Variants in SNX29 observed in about 807,000 individuals in gnomAD.
SNX29 encodes sorting nexin-29.
A neutral mutation model predicts 102.1 loss-of-function variants in SNX29; 78 were observed. The ratio of observed to expected loss-of-function variants is 0.76; its 90% CI spans 0.64 to 0.92. SNX29 has a LOEUF of 0.92. SNX29 is among the 40% of genes least tolerant of loss of function. SNX29 has a pLI of 0.00. For missense variants in SNX29, 1,280 were observed against 1,061.7 expected (o/e 1.21, Z -2.86); for synonymous variants, 580 against 414.5 (o/e 1.40, Z -4.85).
chr16:12,569,118 TTTGCGG>T lies in SNX29; in HGVS notation c.*490_*495del, dbSNP rs1281327864. ...CTGGCCTAACCTAGGGATGGCTGGCTTTGCGGGGGGGGGGGGGGGGGGGGGCATGGT... is the reference window on the plus strand; with the variant it reads ...CTGGCCTAACCTAGGGATGGCTGGCTGGGGGGGGGGGGGGGGGGGCATGGT... On this transcript the variant is annotated 3_prime_UTR_variant, in exon 21 of 21. Coordinates refer to ENST00000566228, the MANE Select transcript of SNX29 (RefSeq NM_032167.5). The T allele has an allele frequency of 0.041, 868 of 21,338 alleles. 3 individuals carry two copies. Among genetic ancestry groups the T allele is most frequent in the Admixed American group, 0.062 (50 of 812 alleles). 1.3% of individuals were successfully genotyped at this position (21,338 alleles called of 1,614,324 possible).
chr16:12,329,932 C>CATTT (rs1181279179), intron 15 of SNX29, among the ~76,000 whole-genome samples: 1 of 152,162 alleles, frequency 6.6e-6, no homozygotes, highest in Admixed American at 6.5e-5. Flanking sequence ...TTCCAAAAGG[C>CATTT]ATTTGAGTGG....
At position 12,061,704 on chromosome 16, in the gene SNX29, C is replaced by T; in HGVS notation, c.1243+58C>T. 4.1e-6 allele frequency: 6 copies of T among 1,463,880 alleles called. No homozygotes were observed. In the East Asian group the frequency reaches 9.6e-5, roughly 23 times the overall value. 90.7% of individuals were successfully genotyped at this position (1,463,880 alleles called of 1,614,324 possible). ...TAAGAGCTTTGGCTTCGAGAACCAG[C>T]AGGAATGTCTGAGTTCCCTGGACAG... On this transcript the variant is annotated intron_variant, in intron 9 of 20. Coordinates refer to ENST00000566228, the MANE Select transcript of SNX29 (RefSeq NM_032167.5).
intron 4 of SNX29, among the ~76,000 whole-genome samples, chr16:12,037,569 C>G (rs1177850677): frequency 6.6e-6 from 1 of 152,094 alleles, no homozygotes; most frequent in African/African-American, 2.4e-5. Context: ...GTTAGCTGTC[C>G]ACCCCTGCAG....
chr16:12,053,559 T>C (rs1476851132), intron 8 of SNX29, among the ~76,000 whole-genome samples: 1 of 151,904 alleles, frequency 6.6e-6, no homozygotes, highest in Non-Finnish European at 1.5e-5. Context: ...AAAATGAATA[T>C]ACAGAAATGT....
intron 18 of SNX29, among the ~76,000 whole-genome samples, chr16:12,424,206 C>T (rs908248006): frequency 6.6e-6 from 1 of 152,180 alleles, no homozygotes; most frequent in Non-Finnish European, 1.5e-5. Context: ...ATCTCTATCA[C>T]GGGTAAAATG....
chr16:12,357,235 A>G (rs749046226), intron 16 of SNX29, among the ~76,000 whole-genome samples: 4 of 152,144 alleles, frequency 2.6e-5, no homozygotes, highest in Non-Finnish European at 5.9e-5. Context: ...GTCACGGCCA[A>G]TTGTGTTTCA....
chr16:12,165,936 A>G (rs760341515), intron 13 of SNX29, among the ~76,000 whole-genome samples: 2 of 152,170 alleles, frequency 1.3e-5, no homozygotes, highest in African/African-American at 4.8e-5. Flanking sequence ...CCTTGGATCT[A>G]CCACCTCACC....
intron 17 of SNX29, among the ~76,000 whole-genome samples, chr16:12,402,890 C>A (rs1017843387): frequency 2.6e-5 from 4 of 152,156 alleles, no homozygotes; most frequent in African/African-American, 4.8e-5. Context: ...CCTCCCTCCT[C>A]CCATCCTAAA....
Position 12,102,973 on chromosome 16 carries a change from ATACCTAGGAATAAAACT to A in SNX29, c.1403-23656_1403-23640del, listed in dbSNP as rs556136900. On this transcript the variant is annotated intron_variant, in intron 11 of 20. Transcript: ENST00000566228. ...TCATAATTGCTACAAAGAAAATAACATACCTAGGAATAAAACTTACAAGGGATGTGAAGGACCTCTTC... is the reference window on the plus strand; with the variant it reads ...TCATAATTGCTACAAAGAAAATAACATACAAGGGATGTGAAGGACCTCTTC... Among the ~76,000 whole-genome samples the A allele has an allele frequency of 1.9e-4, 29 of 152,334 alleles. No homozygotes were observed. In the South Asian group the frequency reaches 6.0e-3, roughly 32 times the overall value.
At chr16:12,182,470 C>T (rs1319222607) in intron 13 of SNX29, among the ~76,000 whole-genome samples, 1 of 152,172 alleles carries the variant, frequency 6.6e-6, no homozygotes, top group Non-Finnish European at 1.5e-5. Flanking sequence ...AACGCTTGCT[C>T]ATTCAGAGCA....
chr16:12,558,984 A>G (rs1013809118), intron 20 of SNX29, among the ~76,000 whole-genome samples: 1 of 152,184 alleles, frequency 6.6e-6, no homozygotes, highest in African/African-American at 2.4e-5. Flanking sequence ...AGAGACTTTA[A>G]AGAAATTTAC....
chr16:12,488,994 G>C (rs1376970796), intron 19 of SNX29, among the ~76,000 whole-genome samples: 1 of 152,164 alleles, frequency 6.6e-6, no homozygotes, highest in Non-Finnish European at 1.5e-5. Context: ...TTCTGGGGCT[G>C]TGAGTTTCCT....
At chr16:12,393,679 G>A (rs527562592) in intron 16 of SNX29, among the ~76,000 whole-genome samples, 22 of 152,356 alleles carry the variant, frequency 1.4e-4, no homozygotes, top group African/African-American at 4.3e-4. Flanking sequence ...TTTTGGCTGA[G>A]TCTTAGATGA....
chr16:12,135,089 G>A lies in SNX29; in HGVS notation c.1595+5331G>A, dbSNP rs902273057. Among the ~76,000 whole-genome samples the A allele has an allele frequency of 2.6e-5, 4 of 152,196 alleles. No individual in the cohort carries two copies. The East Asian group carries it at 7.7e-4, about 29-fold the overall frequency. On this transcript the variant is annotated intron_variant, in intron 13 of 20. Coordinates refer to ENST00000566228, the MANE Select transcript of SNX29 (RefSeq NM_032167.5). ...GTCCCAGCTCAAGCATAGGCAGGGAGAGAACTCACCTTCTTTTTCTTCTAC... is the reference window on the plus strand; with the variant it reads ...GTCCCAGCTCAAGCATAGGCAGGGAAAGAACTCACCTTCTTTTTCTTCTAC...
At chr16:12,465,949 C>T (rs1200249504) in intron 18 of SNX29, among the ~76,000 whole-genome samples, 3 of 151,920 alleles carry the variant, frequency 2.0e-5, no homozygotes, top group Admixed American at 1.3e-4. Flanking sequence ...AATTCAACAT[C>T]CTTTCATGAT....
chr16:12,386,708 T>A (rs2083353494), intron 16 of SNX29, among the ~76,000 whole-genome samples: 1 of 152,194 alleles, frequency 6.6e-6, no homozygotes, highest in African/African-American at 2.4e-5. Flanking sequence ...GTGAGATGAA[T>A]CTTTCCTGAA....
intron 13 of SNX29, among the ~76,000 whole-genome samples, chr16:12,186,880 A>T (rs956730945): frequency 6.6e-6 from 1 of 152,238 alleles, no homozygotes; most frequent in Non-Finnish European, 1.5e-5. Flanking sequence ...CACTATAGCA[A>T]GTAGACTTCT....
chr16:12,117,097 C>T (rs890786584), intron 11 of SNX29, among the ~76,000 whole-genome samples: 4 of 136,922 alleles, frequency 2.9e-5, no homozygotes, highest in Admixed American at 7.3e-5. Context: ...GTGGTCAATA[C>T]GTGCTTCAGT....
At chr16:12,242,081 A>G (rs1004679252) in intron 14 of SNX29, among the ~76,000 whole-genome samples, 3 of 152,070 alleles carry the variant, frequency 2.0e-5, no homozygotes, top group Non-Finnish European at 2.9e-5. Flanking sequence ...GGCCTGGGGT[A>G]AAGTCAGTGG....
Sources: gnomAD v4.1 joint callset for allele counts (sites outside exome capture counted in the v4.1 genomes callset) on GRCh38, gnomAD v4.1.1 for gene constraint, MANE v1.5 for transcripts, NCBI Gene and HGNC (gene_info 2026-07-23, HGNC 2026-07-21) for gene names.